The following ARHGAP15 variants were observed in gnomAD, a reference collection of about 807,000 sequenced individuals.
The protein encoded by ARHGAP15 is rho GTPase-activating protein 15.
Under a neutral mutation model 63.7 loss-of-function variants are expected in ARHGAP15, and 51 were observed. That is an observed-to-expected ratio of 0.80 (90% CI 0.64 to 1.01). ARHGAP15 has a LOEUF of 1.01. ARHGAP15 is among the 50% of genes least tolerant of loss of function. The pLI is 0.00. For missense variants in ARHGAP15, 560 were observed against 564.6 expected, an observed-to-expected ratio of 0.99 and a Z score of 0.08; for synonymous variants, 191 against 193.8, an observed-to-expected ratio of 0.99 and a Z score of 0.12.
At chr2:143,273,349 TAC>T (rs750721144) in intron 6 of ARHGAP15, among the ~76,000 whole-genome samples, 1 of 152,158 alleles carries the variant, frequency 6.6e-6, no homozygotes, top group Non-Finnish European at 1.5e-5. Flanking sequence ...TGGTAATAAT[TAC>T]AGATACTTCT....
At chr2:143,153,204 A>G (rs2105004731) in intron 1 of ARHGAP15, among the ~76,000 whole-genome samples, 1 of 152,096 alleles carries the variant, frequency 6.6e-6, no homozygotes, top group Middle Eastern at 3.4e-3. Context: ...GCTCTTGGCC[A>G]GAAGAGAGTG....
chr2:143,141,393 T>C (rs1259375356), intron 1 of ARHGAP15, among the ~76,000 whole-genome samples: 1 of 152,056 alleles, frequency 6.6e-6, no homozygotes, highest in East Asian at 1.9e-4. Context: ...CTAAGTACAA[T>C]ACAGAGCAAC....
intron 2 of ARHGAP15, among the ~76,000 whole-genome samples, chr2:143,177,263 G>C (rs377180161): frequency 2.0e-5 from 3 of 152,136 alleles, no homozygotes; most frequent in South Asian, 4.1e-4. Flanking sequence ...GGTAAGATGA[G>C]AGCCGGCTGT....
chr2:143,503,209 T>C (rs184803979), intron 9 of ARHGAP15, among the ~76,000 whole-genome samples: 3 of 152,342 alleles, frequency 2.0e-5, no homozygotes, highest in Admixed American at 6.5e-5. Context: ...CTGTATTAGT[T>C]TTATATAATG....
chr2:143,322,011 C>G (rs1201602180), intron 6 of ARHGAP15, among the ~76,000 whole-genome samples: 1 of 152,218 alleles, frequency 6.6e-6, no homozygotes, highest in Non-Finnish European at 1.5e-5. Flanking sequence ...ATAATAATCA[C>G]TCTATCTAGA....
chr2:143,132,410 G>A (rs12467759), intron 1 of ARHGAP15, among the ~76,000 whole-genome samples: 4 of 152,178 alleles, frequency 2.6e-5, no homozygotes, highest in Admixed American at 2.0e-4. Context: ...TTTTCACTAT[G>A]CTGTAAGCAG....
intron 2 of ARHGAP15, among the ~76,000 whole-genome samples, chr2:143,177,339 T>A (rs1691047746): frequency 6.6e-6 from 1 of 152,084 alleles, no homozygotes; most frequent in Non-Finnish European, 1.5e-5. Context: ...TGAGGGGGAA[T>A]AAGGGCTTAA....
chr2:143,427,537 T>C (rs1237120787), intron 6 of ARHGAP15, among the ~76,000 whole-genome samples: 1 of 151,864 alleles, frequency 6.6e-6, no homozygotes, highest in Non-Finnish European at 1.5e-5. Flanking sequence ...AAAGCCTATA[T>C]TTAGGGTGAG....
intron 13 of ARHGAP15, among the ~76,000 whole-genome samples, chr2:143,763,868 T>C (rs1235225727): frequency 1.3e-5 from 2 of 150,342 alleles, no homozygotes; most frequent in African/African-American, 2.4e-5. Context: ...ATAGCCTGTG[T>C]TCTATATAAT....
At chr2:143,443,184 T>C (rs896055759) in intron 8 of ARHGAP15, among the ~76,000 whole-genome samples, 6 of 152,218 alleles carry the variant, frequency 3.9e-5, no homozygotes, top group African/African-American at 1.4e-4. Flanking sequence ...AGTTTTTTCT[T>C]ATTAAGAATT....
At chr2:143,478,614 G>C (rs1691930817) in intron 8 of ARHGAP15, among the ~76,000 whole-genome samples, 1 of 151,976 alleles carries the variant, frequency 6.6e-6, no homozygotes, top group African/African-American at 2.4e-5. Flanking sequence ...GGATAATAAT[G>C]GAACCTACCA....
intron 6 of ARHGAP15, among the ~76,000 whole-genome samples, chr2:143,406,978 G>A (rs942330860): frequency 4.6e-5 from 7 of 151,972 alleles, no homozygotes; most frequent in Non-Finnish European, 1.0e-4. Flanking sequence ...TTTACTGTCC[G>A]TATTCTGTTA....
chr2:143,142,439 T>C (rs1346628197), intron 1 of ARHGAP15, among the ~76,000 whole-genome samples: 4 of 152,162 alleles, frequency 2.6e-5, no homozygotes, highest in African/African-American at 9.6e-5. Context: ...TGGGCTCATT[T>C]TCCTAAATTG....
At chr2:143,674,049 A>G (rs569829631) in intron 12 of ARHGAP15, among the ~76,000 whole-genome samples, 1 of 152,108 alleles carries the variant, frequency 6.6e-6, no homozygotes, top group East Asian at 1.9e-4. Context: ...ATTGCTGATG[A>G]GAGTATAAAA....
chr2:143,351,284 G>A (rs1337800704), intron 6 of ARHGAP15: 1 of 152,098 alleles, frequency 6.6e-6, no homozygotes, highest in Admixed American at 6.6e-5. Context: ...ATATTTTAAA[G>A]GTTCATCATG....
chr2:143,445,200 A>C (rs528856135), intron 8 of ARHGAP15, among the ~76,000 whole-genome samples: 2 of 110,414 alleles, frequency 1.8e-5, no homozygotes, highest in East Asian at 6.0e-4. Flanking sequence ...TCACTCTGTC[A>C]CACAGGCTTG....
intron 6 of ARHGAP15, among the ~76,000 whole-genome samples, chr2:143,381,006 C>T (rs1201558609): frequency 2.0e-5 from 3 of 152,072 alleles, no homozygotes; most frequent in Non-Finnish European, 1.5e-5. Context: ...GTGAATGACA[C>T]GTTAAGAACA....
intron 9 of ARHGAP15, among the ~76,000 whole-genome samples, chr2:143,512,830 A>G (rs1196156651): frequency 6.6e-6 from 1 of 152,214 alleles, no homozygotes; most frequent in East Asian, 1.9e-4. Context: ...TCTCCCTGCA[A>G]ACTAGTTCCT....
At chr2:143,506,900 A>ACC (rs1693350443) in intron 9 of ARHGAP15, among the ~76,000 whole-genome samples, 1 of 152,146 alleles carries the variant, frequency 6.6e-6, no homozygotes, top group Non-Finnish European at 1.5e-5. Context: ...AAAAATAAAA[A>ACC]CATTCTTTAT....
Sources: allele counts gnomAD v4.1 joint callset (sites outside exome capture counted in the v4.1 genomes callset), GRCh38; gene constraint gnomAD v4.1.1; transcripts MANE v1.5; gene names NCBI Gene and HGNC (gene_info 2026-07-23, HGNC 2026-07-21).